ZNF407: variants seen among roughly 807,000 people sequenced by gnomAD.
ZNF407 encodes the protein zinc finger protein 407.
ZNF407 carries 17 observed loss-of-function variants against 131.2 expected under a neutral mutation model. That is an observed-to-expected ratio of 0.13 (90% confidence interval 0.09 to 0.19). ZNF407 has a LOEUF of 0.19. Ranked by LOEUF, ZNF407 falls within the 10% of genes least tolerant of loss-of-function variation. The pLI is 1.00. For missense variants in ZNF407, 2,681 were observed against 2,830.6 expected, an observed-to-expected ratio of 0.95 and a Z score of 1.20; for synonymous variants, 1,156 against 1,062.0, an observed-to-expected ratio of 1.09 and a Z score of -1.72.
chr18:74,734,484 G>T (rs908914898), intron 3 of ZNF407, among the ~76,000 whole-genome samples: 1 of 152,138 alleles, frequency 6.6e-6, no homozygotes, highest in East Asian at 1.9e-4. Flanking sequence ...AATATCTGTA[G>T]TATGATAGTT....
At chr18:74,963,535 A>G (rs1479847207) in intron 8 of ZNF407, among the ~76,000 whole-genome samples, 2 of 152,176 alleles carry the variant, frequency 1.3e-5, no homozygotes, top group African/African-American at 4.8e-5. Context: ...ATGTTACAAA[A>G]CAATTTATAA....
At chr18:74,748,516 A>C (rs1968723964) in intron 3 of ZNF407, among the ~76,000 whole-genome samples, 1 of 152,188 alleles carries the variant, frequency 6.6e-6, no homozygotes, top group African/African-American at 2.4e-5. Context: ...ACAAAGTTTT[A>C]ATTTAAAATT....
intron 4 of ZNF407, among the ~76,000 whole-genome samples, chr18:74,795,618 A>G (rs1462827579): frequency 6.6e-6 from 1 of 152,204 alleles, no homozygotes; most frequent in East Asian, 1.9e-4. Flanking sequence ...TGTATGTGGG[A>G]AAAATAGACA....
intron 2 of ZNF407, among the ~76,000 whole-genome samples, chr18:74,636,038 G>A (rs913240088): frequency 2.0e-5 from 3 of 152,122 alleles, no homozygotes; most frequent in Non-Finnish European, 4.4e-5. Flanking sequence ...TCCAAAGTCT[G>A]TATTAAGTGG....
At chr18:74,938,592 A>G (rs1204852360) in intron 8 of ZNF407, among the ~76,000 whole-genome samples, 1 of 152,148 alleles carries the variant, frequency 6.6e-6, no homozygotes, top group South Asian at 2.1e-4. Flanking sequence ...TGTCCCATTT[A>G]TCCTTAGTAA....
At chr18:74,698,034 A>T (rs888397549) in intron 3 of ZNF407, among the ~76,000 whole-genome samples, 1 of 152,220 alleles carries the variant, frequency 6.6e-6, no homozygotes, top group Non-Finnish European at 1.5e-5. Context: ...ATATTTGATT[A>T]CATTTATTCA....
At chr18:74,659,248 A>C (rs1985610285) in intron 3 of ZNF407, among the ~76,000 whole-genome samples, 1 of 152,136 alleles carries the variant, frequency 6.6e-6, no homozygotes, top group South Asian at 2.1e-4. Context: ...GTGTTTGATG[A>C]GATAAATCCA....
At chr18:74,727,972 G>A (rs775245947) in intron 3 of ZNF407, among the ~76,000 whole-genome samples, 7 of 152,170 alleles carry the variant, frequency 4.6e-5, no homozygotes, top group African/African-American at 9.7e-5. Context: ...CAGTGTGCTG[G>A]GGAGAAGGAG....
At chr18:74,647,381 C>T (rs1345554868) in intron 3 of ZNF407, among the ~76,000 whole-genome samples, 3 of 152,074 alleles carry the variant, frequency 2.0e-5, no homozygotes, top group Middle Eastern at 3.2e-3. Flanking sequence ...GAGTTTGAGG[C>T]TACAGTGAGC....
chr18:74,906,535 T>A (rs1039948004), intron 7 of ZNF407, among the ~76,000 whole-genome samples: 2 of 152,242 alleles, frequency 1.3e-5, no homozygotes, highest in Non-Finnish European at 2.9e-5. Flanking sequence ...AAGATATTTT[T>A]ATGAATAGCC....
At chr18:74,896,949 A>G (rs532566473) in intron 7 of ZNF407, among the ~76,000 whole-genome samples, 1 of 152,156 alleles carries the variant, frequency 6.6e-6, no homozygotes, top group Admixed American at 6.5e-5. Context: ...TTCATTAGTG[A>G]ATTTTATCTC....
At chr18:74,948,623 A>G (rs2145276765) in intron 8 of ZNF407, among the ~76,000 whole-genome samples, 1 of 152,298 alleles carries the variant, frequency 6.6e-6, no homozygotes, top group Admixed American at 6.5e-5. Flanking sequence ...TGAAAATTAT[A>G]TTTCTTAAAA....
Position 74,985,052 on chromosome 18 carries a change from G to A in ZNF407, c.5428+64360G>A, listed in dbSNP as rs371797372. ...TAATAATATATGCAGTGATACATTA[G>A]TGACCCCAAAGACCGAATGCATTGT... On this transcript the variant is annotated intron_variant, in intron 8 of 8. Coordinates refer to ENST00000299687, the MANE Select transcript of ZNF407 (RefSeq NM_017757.3). Among the ~76,000 whole-genome samples the A allele has an allele frequency of 2.3e-4, 35 of 152,270 alleles. No homozygotes were observed. The East Asian group carries it at 3.9e-3, about 17-fold the overall frequency.
intron 3 of ZNF407, among the ~76,000 whole-genome samples, chr18:74,740,791 T>G (rs761217617): frequency 4.6e-5 from 7 of 152,182 alleles, no homozygotes; most frequent in Non-Finnish European, 4.4e-5. Flanking sequence ...TAGATTTCCC[T>G]GCTGGGAGGT....
chr18:74,686,634 G>A (rs1967103220), intron 3 of ZNF407, among the ~76,000 whole-genome samples: 1 of 152,196 alleles, frequency 6.6e-6, no homozygotes, highest in South Asian at 2.1e-4. Context: ...AGTTATTAAT[G>A]TGAAATGAAA....
chr18:74,643,590 ATACTG>A (rs1194638535), intron 3 of ZNF407, among the ~76,000 whole-genome samples: 1 of 152,004 alleles, frequency 6.6e-6, no homozygotes, highest in Non-Finnish European at 1.5e-5. Flanking sequence ...ATTACTCAGA[ATACTG>A]TACTCTTTTT....
At chr18:74,793,774 C>T (rs567938739) in intron 4 of ZNF407, among the ~76,000 whole-genome samples, 1 of 152,268 alleles carries the variant, frequency 6.6e-6, no homozygotes, top group African/African-American at 2.4e-5. Flanking sequence ...GAAGAGGGAA[C>T]ATCAACTGAC....
At chr18:74,723,780 A>G (rs1968092964) in intron 3 of ZNF407, among the ~76,000 whole-genome samples, 1 of 152,178 alleles carries the variant, frequency 6.6e-6, no homozygotes, top group African/African-American at 2.4e-5. Context: ...GGATAAAGCC[A>G]TCAAATAAAA....
intron 8 of ZNF407, among the ~76,000 whole-genome samples, chr18:74,931,061 A>G (rs1971977636): frequency 6.6e-6 from 1 of 152,230 alleles, no homozygotes. Context: ...TCTAGAACAT[A>G]CATTATCTAA....
Sources: gnomAD v4.1 joint callset for allele counts (sites outside exome capture counted in the v4.1 genomes callset) on GRCh38, gnomAD v4.1.1 for gene constraint, MANE v1.5 for transcripts, NCBI Gene and HGNC (gene_info 2026-07-23, HGNC 2026-07-21) for gene names.